The following NSRP1 variants were observed in gnomAD, a reference collection of about 807,000 sequenced individuals.
The protein encoded by NSRP1 is nuclear speckle splicing regulatory protein 1.
In NSRP1, 24 loss-of-function variants were observed where a neutral mutation model predicts 54.7. The observed-to-expected ratio is 0.44, with a 90% confidence interval of 0.32 to 0.62. The LOEUF is 0.62. Among genes scored for constraint, NSRP1 ranks in the 20% least tolerant of loss-of-function variants. The probability of loss-of-function intolerance (pLI) is 0.06; values close to 1 mark genes in which losing one functional copy is unlikely to be tolerated. For missense variants in NSRP1, 596 were observed against 651.2 expected, an observed-to-expected ratio of 0.92 and a Z score of 0.92; for synonymous variants, 210 against 213.8, an observed-to-expected ratio of 0.98 and a Z score of 0.15.
chr17:30,144,339 C>T (rs1219010425), intron 2 of NSRP1, among the ~76,000 whole-genome samples: 2 of 151,522 alleles, frequency 1.3e-5, no homozygotes, highest in East Asian at 3.9e-4. Flanking sequence ...TGGCCCTCTG[C>T]AACCTCTGCC....
At chr17:30,152,112 G>A (rs2143004131) in intron 2 of NSRP1, among the ~76,000 whole-genome samples, 1 of 149,512 alleles carries the variant, frequency 6.7e-6, no homozygotes, top group East Asian at 2.0e-4. Flanking sequence ...AATTTATTTT[G>A]ATGAGATTTG....
chr17:30,159,963 AG>A (rs1904452332), intron 2 of NSRP1, among the ~76,000 whole-genome samples: 1 of 152,104 alleles, frequency 6.6e-6, no homozygotes, highest in African/African-American at 2.4e-5. Context: ...TGCCCGGCCA[AG>A]GTATGTTTTT....
Position 30,163,955 on chromosome 17 carries a change from G to A in NSRP1, c.115-8587G>A, listed in dbSNP as rs1386346180. ...CCCTCCTCGACCTCCCAAAGTGCTG[G>A]GATTACAGGCATGAGCCACCGTACC... On this transcript the variant is annotated intron_variant, in intron 2 of 6. Coordinates refer to ENST00000247026, the MANE Select transcript of NSRP1 (RefSeq NM_032141.4). Among the ~76,000 whole-genome samples, 5 of 151,884 alleles carry A rather than the reference G, an allele frequency of 3.3e-5. 1 individual carries two copies. The highest frequency in any genetic ancestry group is 3.3e-4 in the Admixed American group (5 of 15,246).
At chr17:30,172,517 G>A (rs1049993193) in intron 2 of NSRP1, 25 bp from the exon 3 acceptor site, 1 of 1,579,256 alleles carries the variant, frequency 6.3e-7, no homozygotes, top group Non-Finnish European at 8.6e-7. Context: ...TGTTTAAAAA[G>A]TGACAATATA....
At chr17:30,159,936 A>G (rs1904449826) in intron 2 of NSRP1, among the ~76,000 whole-genome samples, 1 of 152,172 alleles carries the variant, frequency 6.6e-6, no homozygotes, top group African/African-American at 2.4e-5. Context: ...TGCTGGGATT[A>G]TATGTGTAAG....
At chr17:30,117,834 C>G (rs2071556517) in intron 1 of NSRP1, 1 of 326,822 alleles carries the variant, frequency 3.1e-6, no homozygotes, top group African/African-American at 2.2e-5. Context: ...ATTTACTTCT[C>G]TTCTTTGATA....
intron 2 of NSRP1, among the ~76,000 whole-genome samples, chr17:30,131,042 C>T (rs1239911664): frequency 6.6e-6 from 1 of 152,104 alleles, no homozygotes; most frequent in Non-Finnish European, 1.5e-5. Flanking sequence ...AAGTAAGTTA[C>T]ATGTGAATTT....
Position 30,179,305 on chromosome 17 carries a change from G to A in NSRP1, c.508+8G>A. 1 of 1,558,956 alleles carries A rather than the reference G, an allele frequency of 6.4e-7. No individual in the cohort carries two copies. Among genetic ancestry groups the A allele is most frequent in the East Asian group, 2.3e-5 (1 of 44,244 alleles). The stretch of plus-strand genomic sequence containing the variant: ...GGGCTGCTGCACTGGAAGGTAAAAT[G>A]AAAGAGTGGGAAAGGCACAAGGAAA... On this transcript the variant is annotated splice_region_variant and intron_variant, in intron 5 of 6. Coordinates refer to ENST00000247026, the MANE Select transcript of NSRP1 (RefSeq NM_032141.4).
intron 5 of NSRP1, 99 bp from the exon 6 acceptor site, chr17:30,180,809 A>G (rs1597622908): frequency 1.4e-6 from 1 of 717,600 alleles, no homozygotes; most frequent in South Asian, 1.8e-5. Flanking sequence ...TGATCCAGCG[A>G]GTAGTTTACA....
intron 2 of NSRP1, among the ~76,000 whole-genome samples, chr17:30,170,634 A>AC (rs1456777156): frequency 3.5e-4 from 54 of 152,326 alleles, no homozygotes; most frequent in Middle Eastern, 3.4e-3. Flanking sequence ...AAGGCTGAAT[A>AC]ATACTCCATC....
At position 30,137,467 on chromosome 17, in the gene NSRP1, A is replaced by G. The variant is rs1321377150; in HGVS notation, c.114+19294A>G. ...AGTCATTGCTTTTCTCCCCTCTGCC[A>G]TATGAACAATATGTTGCATATAGGT... On this transcript the variant is annotated intron_variant, in intron 2 of 6. Transcript: ENST00000247026. Among the ~76,000 whole-genome samples, 7 of 152,358 alleles carry G rather than the reference A, an allele frequency of 4.6e-5. No homozygotes were observed. In the East Asian group the frequency reaches 7.7e-4, roughly 17 times the overall value.
chr17:30,142,465 A>G (rs2071814280), intron 2 of NSRP1, among the ~76,000 whole-genome samples: 1 of 151,476 alleles, frequency 6.6e-6, no homozygotes, highest in Admixed American at 6.6e-5. Context: ...AGTTGGGAAT[A>G]TAGGCATGTG....
At chr17:30,164,289 G>A (rs1406714033) in intron 2 of NSRP1, among the ~76,000 whole-genome samples, 1 of 152,176 alleles carries the variant, frequency 6.6e-6, no homozygotes, top group Admixed American at 6.5e-5. Flanking sequence ...CATTTGGAAG[G>A]AGCTACTGCT....
chr17:30,148,791 G>C (rs1343998856), intron 2 of NSRP1, among the ~76,000 whole-genome samples: 1 of 152,110 alleles, frequency 6.6e-6, no homozygotes, highest in Non-Finnish European at 1.5e-5. Flanking sequence ...TTCTGCCCAG[G>C]TTTTCAGATT....
Position 30,118,182 on chromosome 17 carries a change from AC to A in NSRP1, c.114+11del. Reference sequence around the variant, plus strand: ...CTGATGATGATGATGAGGTAAGGAAACCTATGTTTTACTCGTGCATGGTTGG... The same window carrying A: ...CTGATGATGATGATGAGGTAAGGAAACTATGTTTTACTCGTGCATGGTTGG... On this transcript the variant is annotated intron_variant, in intron 2 of 6. Transcript: ENST00000247026. 2 of 1,607,854 alleles carry A rather than the reference AC, an allele frequency of 1.2e-6. No individual in the cohort carries two copies. Among genetic ancestry groups the A allele is most frequent in the Non-Finnish European group, 1.7e-6 (2 of 1,175,326 alleles).
At chr17:30,172,014 T>TCTCTCTCTCTCTCA (rs144705088) in intron 2 of NSRP1, among the ~76,000 whole-genome samples, 20 of 131,056 alleles carry the variant, frequency 1.5e-4, no homozygotes, top group Non-Finnish European at 2.7e-4. Flanking sequence ...TCTCTCTCTC[T>TCTCTCTCTCTCTCA]CACATGTTCA....
rs771118226 is a variant in NSRP1 at position 30,185,594 on chromosome 17, A to G, written c.1597A>G (p.Met533Val). 6 of 1,613,986 alleles carry G rather than the reference A, an allele frequency of 3.7e-6. No individual in the cohort carries two copies. The highest frequency in any genetic ancestry group is 5.1e-6 in the Non-Finnish European group (6 of 1,179,998). ...FAKRNNEETVMSARDRYLARQ... is the reference protein window; with the variant it reads ...FAKRNNEETVVSARDRYLARQ... ...AAAGCGGAACAATGAAGAAACTGTA[A>G]TGTCAGCTAGAGACAGGTACTTGGC... Residue 533 changes from methionine (M) to valine (V), a missense_variant, in exon 7 of 7, where the codon ATG becomes GTG. Transcript: ENST00000247026.
chr17:30,168,006 C>T (rs1904798558), intron 2 of NSRP1: 1 of 152,134 alleles, frequency 6.6e-6, no homozygotes, highest in African/African-American at 2.4e-5. Context: ...CAACATAGGA[C>T]ACCGTTCAAT....
intron 2 of NSRP1, among the ~76,000 whole-genome samples, chr17:30,172,014 T>TCTCTCTCTCTCTCTCTCTCTCACACA (rs144705088): frequency 5.3e-5 from 7 of 131,054 alleles, no homozygotes; most frequent in Admixed American, 8.4e-5. Flanking sequence ...TCTCTCTCTC[T>TCTCTCTCTCTCTCTCTCTCTCACACA]CACATGTTCA....
Sources: allele counts gnomAD v4.1 joint callset (sites outside exome capture counted in the v4.1 genomes callset), GRCh38; gene constraint gnomAD v4.1.1; transcripts MANE v1.5; gene names NCBI Gene and HGNC (gene_info 2026-07-23, HGNC 2026-07-21).